The following ANKRD11 variants were observed in gnomAD, a reference collection of about 807,000 sequenced individuals.
ANKRD11 encodes the protein ankyrin repeat domain 11, also known as ankyrin repeat domain-containing protein 11.
In ANKRD11, 17 loss-of-function variants were observed where a neutral mutation model predicts 195.7. The ratio of observed to expected loss-of-function variants is 0.09; its 90% CI spans 0.06 to 0.13. The LOEUF is 0.13. ANKRD11 is among the 10% of genes least tolerant of loss of function. ANKRD11 has a pLI of 1.00. For synonymous variants in ANKRD11, 1,953 were observed against 1,528.1 expected (o/e 1.28, Z -6.49); for missense variants, 3,735 against 3,566.1 (o/e 1.05, Z -1.21).
intron 3 of ANKRD11, among the ~76,000 whole-genome samples, chr16:89,311,604 C>T (rs1360241455): frequency 6.6e-6 from 1 of 152,182 alleles, no homozygotes; most frequent in Non-Finnish European, 1.5e-5. Flanking sequence ...AGACCTACAT[C>T]TAAGAACTAA....
intron 2 of ANKRD11, chr16:89,370,625 A>C (rs1465431228): frequency 6.6e-6 from 1 of 152,428 alleles, no homozygotes. Flanking sequence ...GACCGACTGA[A>C]GCCTAGGACG....
intron 2 of ANKRD11, among the ~76,000 whole-genome samples, chr16:89,384,844 CAT>C (rs2040826180): frequency 2.1e-5 from 3 of 142,266 alleles, no homozygotes; most frequent in South Asian, 2.2e-4. Flanking sequence ...TGTGTAAGAA[CAT>C]GTGTGTGGGA....
chr16:89,473,179 C>CAA lies in ANKRD11; in HGVS notation c.-145+17064_-145+17065dup, dbSNP rs5818721. 1.6e-3 allele frequency among the ~76,000 whole-genome samples: 224 copies of CAA among 142,562 alleles called. 1 individual carries two copies. The highest frequency in any genetic ancestry group is 9.6e-3 in the East Asian group (48 of 4,990). The allele number at this position is 142,562 out of a possible 152,430, so 93.5% of individuals were successfully genotyped here. On this transcript the variant is annotated intron_variant, in intron 1 of 12. Coordinates refer to ENST00000301030, the MANE Select transcript of ANKRD11 (RefSeq NM_013275.6). Reference sequence around the variant, plus strand: ...GAGGCAAGAAAGCAAGACCCTGCCTCAAAAAAAAAAAAGGATCATTGGGAA... The same window carrying CAA: ...GAGGCAAGAAAGCAAGACCCTGCCTCAAAAAAAAAAAAAAGGATCATTGGGAA...
At chr16:89,483,042 C>T (rs560733317) in intron 1 of ANKRD11, among the ~76,000 whole-genome samples, 23 of 152,318 alleles carry the variant, frequency 1.5e-4, no homozygotes, top group African/African-American at 4.8e-4. Flanking sequence ...GTTACAGCAG[C>T]GCTGGAAAAC....
rs1340469178 is a variant in ANKRD11 at position 89,283,785 on chromosome 16, C to T, written c.2757G>A (p.Lys919=). 6.2e-7 allele frequency: 1 copy of T among 1,613,628 alleles called. No individual in the cohort carries two copies. Among genetic ancestry groups the T allele is most frequent in the South Asian group, 1.1e-5 (1 of 91,082 alleles). The change falls in exon 9 of 13, where the codon AAG becomes AAA. Residue 919 remains lysine (K), a synonymous_variant. Transcript: ENST00000301030. This position sits in a 1 kb window ranked among gnomAD's most constrained non-coding sequence, Gnocchi z 4.3. The stretch of plus-strand genomic sequence containing the variant: ...TATGCTTTTCGGTCTGCTCTTTCCT[C>T]TTCTCAGAGTTTTTATCCAAATAGT... The part of the protein sequence containing the change: ...DRDYLDKNSE[K]RKEQTEKHKS...
chr16:89,269,075 A>C (rs2032896470), intron 12 of ANKRD11, among the ~76,000 whole-genome samples: 1 of 152,232 alleles, frequency 6.6e-6, no homozygotes, highest in Non-Finnish European at 1.5e-5. Flanking sequence ...TTAAAAGTGC[A>C]CATAAGGGGA....
intron 1 of ANKRD11, among the ~76,000 whole-genome samples, chr16:89,487,025 A>G (rs2057640392): frequency 1.3e-5 from 2 of 152,210 alleles, no homozygotes; most frequent in African/African-American, 4.8e-5. Context: ...AAAAAAAAGA[A>G]AAAAACAATT....
At chr16:89,322,293 A>G (rs2037374237) in intron 2 of ANKRD11, among the ~76,000 whole-genome samples, 1 of 152,254 alleles carries the variant, frequency 6.6e-6, no homozygotes, top group South Asian at 2.1e-4. Flanking sequence ...AGAGAAAGAG[A>G]ACACTTCAAA....
At chr16:89,463,480 G>C (rs149795354) in intron 1 of ANKRD11, among the ~76,000 whole-genome samples, 19 of 152,104 alleles carry the variant, frequency 1.2e-4, no homozygotes, top group Admixed American at 1.2e-3. Flanking sequence ...CAGCATACTC[G>C]TTAAGAGTCA....
intron 2 of ANKRD11, among the ~76,000 whole-genome samples, chr16:89,363,701 T>G (rs1597792692): frequency 6.6e-6 from 1 of 152,060 alleles, no homozygotes; most frequent in African/African-American, 2.4e-5. Flanking sequence ...CAGGCCCCTG[T>G]GAAACAAACA....
chr16:89,290,807 G>C lies in ANKRD11; in HGVS notation c.419C>G (p.Pro140Arg). The C allele has an allele frequency of 6.2e-7, 1 of 1,613,876 alleles. No individual in the cohort carries two copies. Among genetic ancestry groups the C allele is most frequent in the Non-Finnish European group, 8.5e-7 (1 of 1,179,994 alleles). ...NSPVDTTPKH[P>R]SQSTVCQKGT... Reference sequence around the variant, plus strand: ...CTTCTGACACACTGTAGACTGGGAGGGGTGCTTTGGTGTTGTGTCCACTGC... The same window carrying C: ...CTTCTGACACACTGTAGACTGGGAGCGGTGCTTTGGTGTTGTGTCCACTGC... Residue 140 changes from proline to arginine, a missense_variant, in exon 6 of 13, where the codon CCC (proline) becomes CGC (arginine). Transcript: ENST00000301030.
chr16:89,426,778 C>T (rs368510959), intron 1 of ANKRD11, among the ~76,000 whole-genome samples: 2 of 152,194 alleles, frequency 1.3e-5, no homozygotes, highest in Non-Finnish European at 2.9e-5. Flanking sequence ...ATTTTATGAT[C>T]GGCGTCATGG....
At chr16:89,440,377 G>C (rs576663007) in intron 1 of ANKRD11, among the ~76,000 whole-genome samples, 10 of 152,308 alleles carry the variant, frequency 6.6e-5, no homozygotes, top group African/African-American at 2.4e-4. Flanking sequence ...GAAGGCTGAG[G>C]GGGGAGGATC....
At chr16:89,441,608 A>G (rs537298856) in intron 1 of ANKRD11, among the ~76,000 whole-genome samples, 58 of 151,914 alleles carry the variant, frequency 3.8e-4, no homozygotes, top group Admixed American at 1.1e-3. Flanking sequence ...TCTACTAAAA[A>G]TACAAAAAAT....
At chr16:89,338,570 C>T (rs1197111329) in intron 2 of ANKRD11, among the ~76,000 whole-genome samples, 2 of 151,084 alleles carry the variant, frequency 1.3e-5, no homozygotes, top group Non-Finnish European at 3.0e-5. Flanking sequence ...ACTAAAAATA[C>T]AAAAATTAGC....
chr16:89,348,662 A>G (rs1203554946), intron 2 of ANKRD11, among the ~76,000 whole-genome samples: 1 of 152,200 alleles, frequency 6.6e-6, no homozygotes, highest in Non-Finnish European at 1.5e-5. Flanking sequence ...TTTCTTCTTC[A>G]GTAAGCTGAA....
At position 89,288,200 on chromosome 16, in the gene ANKRD11, C is replaced by T. The variant is rs578013200; in HGVS notation, c.744+328G>A. The stretch of plus-strand genomic sequence containing the variant: ...AGGTCTAACAGTCCCACAGTGGTGA[C>T]GGGGACCGGCAGCAACTCCTGCAGG... On this transcript the variant is annotated intron_variant, in intron 7 of 12. Transcript: ENST00000301030. 471 of 610,968 alleles carry T rather than the reference C, an allele frequency of 7.7e-4. 2 individuals carry two copies. The highest frequency in any genetic ancestry group is 6.7e-3 in the African/African-American group (364 of 54,232). The allele number at this position is 610,968 out of a possible 1,614,324, so 37.8% of individuals were successfully genotyped here.
intron 1 of ANKRD11, among the ~76,000 whole-genome samples, chr16:89,452,575 G>A (rs1370229120): frequency 6.6e-6 from 1 of 151,620 alleles, no homozygotes; most frequent in African/African-American, 2.4e-5. Flanking sequence ...TCAAGAGATT[G>A]AGACCAGCCT....
chr16:89,298,495 CA>C (rs1466064956), intron 4 of ANKRD11, among the ~76,000 whole-genome samples: 1 of 152,186 alleles, frequency 6.6e-6, no homozygotes, highest in African/African-American at 2.4e-5. Flanking sequence ...GAAATGGGCC[CA>C]AAGTCCCACA....
Sources: allele counts gnomAD v4.1 joint callset (sites outside exome capture counted in the v4.1 genomes callset), GRCh38; gene constraint gnomAD v4.1.1; non-coding constraint Gnocchi (gnomAD v3.1); transcripts MANE v1.5; gene names NCBI Gene and HGNC (gene_info 2026-07-23, HGNC 2026-07-21).